The following CLUAP1 variants were observed in gnomAD, a reference collection of about 807,000 sequenced individuals.
The protein encoded by CLUAP1 is clusterin-associated protein 1.
A neutral mutation model predicts 55.0 loss-of-function variants in CLUAP1; 50 were observed. That is an observed-to-expected ratio of 0.91 (90% CI 0.72 to 1.15). The LOEUF (loss-of-function observed/expected upper bound fraction) is 1.15, where lower values mean the gene tolerates loss of function less well. CLUAP1 is among the 50% of genes most tolerant of loss of function. CLUAP1 has a pLI of 0.00. For synonymous variants in CLUAP1, 195 were observed against 175.4 expected (o/e 1.11, Z -0.88); for missense variants, 530 against 507.6 (o/e 1.04, Z -0.42).
chr16:3,507,403 A>T (rs982644158), intron 3 of CLUAP1, among the ~76,000 whole-genome samples: 5 of 151,238 alleles, frequency 3.3e-5, no homozygotes, highest in South Asian at 2.1e-4. Context: ...AAATAAATTT[A>T]AAAAAAATTA....
In CLUAP1 at chr16:3,516,964, A is replaced by G. The variant is rs554659200; in HGVS notation, c.579+1373A>G. Among the ~76,000 whole-genome samples the G allele has an allele frequency of 3.3e-5, 5 of 152,330 alleles. No homozygotes were observed. The South Asian group carries it at 6.2e-4, about 19-fold the overall frequency. The stretch of plus-strand genomic sequence containing the variant: ...TGGCCAAAGTAAGGACAACTTAAGC[A>G]TCAAAATAAATAAGTTAGAATAATT... On this transcript the variant is annotated intron_variant, in intron 6 of 11. Coordinates refer to ENST00000576634, the MANE Select transcript of CLUAP1 (RefSeq NM_015041.3).
At chr16:3,533,500 C>T (rs572887244) in intron 11 of CLUAP1, 10 of 280,966 alleles carry the variant, frequency 3.6e-5, no homozygotes, top group East Asian at 2.7e-4. Flanking sequence ...ACCAGGCCCT[C>T]GAGGTGCCAG....
chr16:3,526,356 A>G (rs1038581611), intron 8 of CLUAP1, 56 bp from the exon 9 acceptor site: 4 of 1,247,978 alleles, frequency 3.2e-6, no homozygotes, highest in Non-Finnish European at 4.4e-6. Flanking sequence ...GTGAAGAAGA[A>G]TAGAACAGTC....
chr16:3,507,585 T>G lies in CLUAP1; in HGVS notation c.220-704T>G, dbSNP rs1013701418. Among the ~76,000 whole-genome samples the G allele has an allele frequency of 7.3e-5, 11 of 150,724 alleles. No individual in the cohort carries two copies. In the East Asian group the frequency reaches 2.1e-3, roughly 29 times the overall value. On this transcript the variant is annotated intron_variant, in intron 3 of 11. Coordinates refer to ENST00000576634, the MANE Select transcript of CLUAP1 (RefSeq NM_015041.3). Reference sequence around the variant, plus strand: ...AAAAAAAAAAAAAAAATTAAAAACATTATGAAACAAAATGGAGTAAAATGA... The same window carrying G: ...AAAAAAAAAAAAAAAATTAAAAACAGTATGAAACAAAATGGAGTAAAATGA...
At chr16:3,533,435 AC>A in intron 11 of CLUAP1, 2 of 463,802 alleles carry the variant, frequency 4.3e-6, no homozygotes, top group Non-Finnish European at 7.9e-6. Context: ...CTCAGGACCA[AC>A]CCCCCTCCCT....
chr16:3,512,835 C>G (rs750863042), intron 5 of CLUAP1, among the ~76,000 whole-genome samples: 1 of 152,144 alleles, frequency 6.6e-6, no homozygotes, highest in Non-Finnish European at 1.5e-5. Flanking sequence ...TGCCTGCCAC[C>G]ACACCCGGCT....
chr16:3,506,501 A>G (rs183742106), intron 3 of CLUAP1, 86 bp downstream of exon 3: 2 of 1,059,756 alleles, frequency 1.9e-6, no homozygotes, highest in Admixed American at 3.7e-5. Context: ...CAAACTGTGT[A>G]ATTGAGTTTT....
intron 3 of CLUAP1, among the ~76,000 whole-genome samples, chr16:3,507,125 G>A (rs996407020): frequency 1.4e-4 from 21 of 151,666 alleles, no homozygotes; most frequent in African/African-American, 5.1e-4. Flanking sequence ...GAACCTGGGA[G>A]GCAGAGCTTG....
At chr16:3,500,692 G>A (rs1466061750), upstream of CLUAP1, among the ~76,000 whole-genome samples, 1 of 152,080 alleles carries the variant, frequency 6.6e-6, no homozygotes, top group East Asian at 1.9e-4. Context: ...ATTCTTTATA[G>A]AAATGAGGGG....
intron 8 of CLUAP1, among the ~76,000 whole-genome samples, chr16:3,523,593 G>T (rs1045206970): frequency 1.3e-5 from 2 of 152,220 alleles, no homozygotes; most frequent in African/African-American, 2.4e-5. Flanking sequence ...CATGGGGCCT[G>T]TGCTTGCTTT....
At chr16:3,505,199 T>C (rs1194102185) in intron 2 of CLUAP1, among the ~76,000 whole-genome samples, 2 of 151,918 alleles carry the variant, frequency 1.3e-5, no homozygotes, top group East Asian at 3.9e-4. Flanking sequence ...GATCATGCTA[T>C]TGCACACCAG....
intron 6 of CLUAP1, among the ~76,000 whole-genome samples, chr16:3,515,960 A>G (rs1355379634): frequency 2.0e-5 from 3 of 152,224 alleles, no homozygotes; most frequent in Non-Finnish European, 1.5e-5. Flanking sequence ...AATAAGTAGA[A>G]GGATCACTAT....
intron 1 of CLUAP1, among the ~76,000 whole-genome samples, chr16:3,501,524 C>G (rs766939235): frequency 7.2e-5 from 11 of 152,130 alleles, no homozygotes; most frequent in Non-Finnish European, 1.5e-4. Context: ...GGCTCACGCC[C>G]GTAAGCCCAA....
At chr16:3,536,087 G>T (rs772917779) in intron 11 of CLUAP1, 35 bp from the exon 12 acceptor site, 1 of 1,608,732 alleles carries the variant, frequency 6.2e-7, no homozygotes, top group East Asian at 2.2e-5. Flanking sequence ...AATGAGGCAG[G>T]ATCCCCCGTT....
Position 3,536,685 on chromosome 16 carries a change from C to T in CLUAP1, c.*414C>T, listed in dbSNP as rs2038238111. ...ACTCATGTTTGGAATCGTAGGGGAA[C>T]ATCTGGCTGTTAATCACTTGCACAG... is the stretch of plus-strand genomic sequence containing the variant. On this transcript the variant is annotated 3_prime_UTR_variant, in exon 12 of 12. Coordinates refer to ENST00000576634, the MANE Select transcript of CLUAP1 (RefSeq NM_015041.3). 1 of 164,454 alleles carries T rather than the reference C, an allele frequency of 6.1e-6. No homozygotes were observed. Among genetic ancestry groups the T allele is most frequent in the Non-Finnish European group, 1.3e-5 (1 of 75,040 alleles). 10.2% of individuals were successfully genotyped at this position (164,454 alleles called of 1,614,324 possible). A position where few individuals can be genotyped will look rare whatever the true frequency, so the allele number is the denominator to read the frequency against.
rs1341545502 is a variant in CLUAP1, at chr16:3,515,556, G to A, written c.544G>A (p.Glu182Lys). The change falls in exon 6 of 12, where the codon GAA (glutamate) becomes AAA (lysine). Residue 182 changes from glutamate to lysine, a missense_variant. Glu to Lys is a moderately conservative substitution (Grantham distance 56, BLOSUM62 1). Coordinates refer to ENST00000576634, the MANE Select transcript of CLUAP1 (RefSeq NM_015041.3). ...IARPLEINET[E>K]KVMRIAIKEI... The stretch of plus-strand genomic sequence containing the variant: ...CAGACCTCTGGAAATAAACGAGACT[G>A]AAAAAGTGATGAGAATTGCAATAAA... 1.2e-6 allele frequency: 2 copies of A among 1,600,152 alleles called. No individual in the cohort carries two copies. The highest frequency in any genetic ancestry group is 2.2e-5 in the East Asian group (1 of 44,466).
At chr16:3,511,393 C>A (rs780042898) in intron 4 of CLUAP1, among the ~76,000 whole-genome samples, 1 of 152,216 alleles carries the variant, frequency 6.6e-6, no homozygotes, top group South Asian at 2.1e-4. Flanking sequence ...GCTAAATCCT[C>A]ATTGTGGTTG....
intron 5 of CLUAP1, 58 bp from the exon 6 acceptor site, chr16:3,515,450 A>G: frequency 8.1e-7 from 1 of 1,229,240 alleles, no homozygotes; most frequent in Non-Finnish European, 1.2e-6. Flanking sequence ...ATCTAGGAAT[A>G]CTGGTTTTGA....
intron 4 of CLUAP1, 147 bp downstream of exon 4, chr16:3,508,615 A>ATGTGCTCATC: frequency 1.6e-6 from 1 of 631,964 alleles, no homozygotes; most frequent in Non-Finnish European, 2.5e-6. Context: ...CATTTGGATA[A>ATGTGCTCATC]AGTCAAAGTC....
Sources: allele counts gnomAD v4.1 joint callset (sites outside exome capture counted in the v4.1 genomes callset), GRCh38; gene constraint gnomAD v4.1.1; transcripts MANE v1.5; gene names NCBI Gene and HGNC (gene_info 2026-07-23, HGNC 2026-07-21).